SDCBP: variants seen among roughly 807,000 people sequenced by gnomAD.
SDCBP encodes the protein syndecan binding protein.
In SDCBP, 22 loss-of-function variants were observed where a neutral mutation model predicts 30.5. The ratio of observed to expected loss-of-function variants is 0.72; its 90% CI spans 0.52 to 1.03. The LOEUF is 1.03. Ranked by LOEUF, SDCBP falls within the 50% of genes least tolerant of loss-of-function variation. SDCBP has a pLI of 0.00. For synonymous variants in SDCBP, 103 were observed against 118.7 expected (o/e 0.87, Z 0.86); for missense variants, 304 against 369.9 (o/e 0.82, Z 1.46).
At chr8:58,576,173 T>G in intron 5 of SDCBP, 112 bp downstream of exon 5, 2 of 804,696 alleles carry the variant, frequency 2.5e-6, no homozygotes, top group Non-Finnish European at 3.8e-6. Flanking sequence ...GCATCTGTAG[T>G]TGAGAATATT....
chr8:58,565,082 C>G lies in SDCBP; in HGVS notation c.49C>G (p.Gln17Glu). Residue 17 changes from glutamine to glutamate, a missense_variant and splice_region_variant, in exon 2 of 9, where the codon CAG becomes GAG. Physicochemically the swap from Gln to Glu is conservative, Grantham distance 29. Transcript: ENST00000260130. ...LEDLKVDKVI[Q>E]AQTAFSANPA... is the part of the protein sequence containing the mutation. Reference sequence around the variant, plus strand: ...AGACTTGAAGGTAGACAAAGTAATTCAGGTATGATAGTTTAAATACTTTTG... The same window carrying G: ...AGACTTGAAGGTAGACAAAGTAATTGAGGTATGATAGTTTAAATACTTTTG... 2 of 1,543,386 alleles carry G rather than the reference C, an allele frequency of 1.3e-6. No individual in the cohort carries two copies. The highest frequency in any genetic ancestry group is 1.8e-6 in the Non-Finnish European group (2 of 1,125,732).
Position 58,576,028 on chromosome 8 carries a change from A to G in SDCBP, c.369A>G (p.Gly123=). The part of the protein sequence containing the change: ...REVILCKDQD[G]KIGLRLKSID... Reference sequence around the variant, plus strand: ...TCATTTTGTGTAAGGATCAAGATGGAAAAATTGGACTCAGGCTTAAATCAA... The same window carrying G: ...TCATTTTGTGTAAGGATCAAGATGGGAAAATTGGACTCAGGCTTAAATCAA... Residue 123 remains glycine (G), a synonymous_variant, in exon 5 of 9, where the codon GGA becomes GGG. Coordinates refer to ENST00000260130, the MANE Select transcript of SDCBP (RefSeq NM_005625.4). 1.9e-6 allele frequency: 3 copies of G among 1,613,400 alleles called. No individual in the cohort carries two copies. The South Asian group carries it at 3.3e-5, about 18-fold the overall frequency.
In SDCBP at chr8:58,581,781, T is replaced by C. The variant is rs201667562; in HGVS notation, c.*41T>C. ...GGAAATGTAGCTGAACGTCTCCAGT[T>C]TCCTTCTTTGGCAACTTCTGTATTA... On this transcript the variant is annotated 3_prime_UTR_variant, in exon 9 of 9. Transcript: ENST00000260130. 2,505 of 1,576,926 alleles carry C rather than the reference T, an allele frequency of 1.6e-3. 3 individuals are homozygous for C. The highest frequency in any genetic ancestry group is 4.1e-3 in the South Asian group (370 of 90,282).
In SDCBP at chr8:58,572,223, A is replaced by G; in HGVS notation, c.149A>G (p.Tyr50Cys). 2 of 1,607,168 alleles carry G rather than the reference A, an allele frequency of 1.2e-6. No homozygotes were observed. Among genetic ancestry groups the G allele is most frequent in the Non-Finnish European group, 1.7e-6 (2 of 1,175,342 alleles). Reference protein sequence around the residue: ...PHDGNLYPRLYPELSQYMGLS... With the variant: ...PHDGNLYPRLCPELSQYMGLS... ...TTTTTAGATCTCTATCCCAGACTGT[A>G]TCCAGAGCTCTCTCAATACATGGGG... The change falls in exon 4 of 9, where the codon TAT becomes TGT. Residue 50 changes from tyrosine (Y) to cysteine (C), a missense_variant. By Grantham distance (194) the Tyr-to-Cys change is radical. Transcript: ENST00000260130.
intron 2 of SDCBP, among the ~76,000 whole-genome samples, chr8:58,565,731 C>A (rs1411432346): frequency 1.3e-5 from 2 of 152,044 alleles, no homozygotes; most frequent in African/African-American, 4.8e-5. Context: ...GAATTGGGAC[C>A]AATTCTGGCT....
rs77886875 is a variant in SDCBP at position 58,568,125 on chromosome 8, T to C, written c.52-2762T>C. 9.1e-3 allele frequency among the ~76,000 whole-genome samples: 1,389 copies of C among 152,356 alleles called. 12 individuals carry two copies. Among genetic ancestry groups the C allele is most frequent in the Middle Eastern group, 0.017 (5 of 294 alleles). On this transcript the variant is annotated intron_variant, in intron 2 of 8. Transcript: ENST00000260130. ...TTAGCTTCCTGTAACTTTAATTTTTTAACTTTCTGACTCTTGTAATAACAT... is the reference window on the plus strand; with the variant it reads ...TTAGCTTCCTGTAACTTTAATTTTTCAACTTTCTGACTCTTGTAATAACAT...
At chr8:58,575,554 A>G (rs1805266457) in intron 4 of SDCBP, among the ~76,000 whole-genome samples, 1 of 152,226 alleles carries the variant, frequency 6.6e-6, no homozygotes, top group South Asian at 2.1e-4. Context: ...AGATCGTGAC[A>G]TCATGAACCG....
At chr8:58,570,456 T>G (rs1447969708) in intron 2 of SDCBP, among the ~76,000 whole-genome samples, 1 of 152,144 alleles carries the variant, frequency 6.6e-6, no homozygotes, top group African/African-American at 2.4e-5. Context: ...TATTAATTTT[T>G]TAGGTGTTTT....
chr8:58,560,991 T>C (rs1276769344), intron 1 of SDCBP: 1 of 152,156 alleles, frequency 6.6e-6, no homozygotes, highest in Admixed American at 6.5e-5. Context: ...CCAAGGAAAA[T>C]GCTGCATGAA....
At chr8:58,579,459 A>G (rs1012431473) in intron 6 of SDCBP, among the ~76,000 whole-genome samples, 164 bp from the exon 7 acceptor site, 6 of 152,324 alleles carry the variant, frequency 3.9e-5, no homozygotes, top group African/African-American at 1.4e-4. Flanking sequence ...AAACTTTTAC[A>G]CAAAGATGTT....
Position 58,580,618 on chromosome 8 carries a change from C to T in SDCBP, c.842+10C>T. The T allele has an allele frequency of 7.5e-7, 1 of 1,327,494 alleles. No homozygotes were observed. Among genetic ancestry groups the T allele is most frequent in the Non-Finnish European group, 1.1e-6 (1 of 919,606 alleles). The allele number at this position is 1,327,494 out of a possible 1,614,324, so 82.2% of individuals were successfully genotyped here. On this transcript the variant is annotated intron_variant, in intron 8 of 8. Transcript: ENST00000260130. ...AACATATTATTAAGCGGTAAGTAAA[C>T]AATTCCTCAACTTAATGCATATGGT... is the stretch of plus-strand genomic sequence containing the variant.
intron 5 of SDCBP, 184 bp downstream of exon 5, chr8:58,576,245 G>A: frequency 1.9e-6 from 1 of 539,528 alleles, no homozygotes; most frequent in Non-Finnish European, 3.3e-6. Flanking sequence ...GGCATAGTTG[G>A]GACTTCTGAC....
intron 1 of SDCBP, among the ~76,000 whole-genome samples, chr8:58,564,046 G>C (rs978676757): frequency 1.3e-5 from 2 of 152,184 alleles, no homozygotes; most frequent in Admixed American, 6.5e-5. Context: ...AGAGTAGTAC[G>C]TTGGAACCAT....
At chr8:58,571,027 T>C in intron 3 of SDCBP, 62 bp downstream of exon 3, 4 of 1,274,338 alleles carry the variant, frequency 3.1e-6, no homozygotes, top group Non-Finnish European at 4.5e-6. Flanking sequence ...CTTTTGCTCA[T>C]ATAAGGAATC....
intron 1 of SDCBP, among the ~76,000 whole-genome samples, chr8:58,558,423 A>G (rs1457397871): frequency 6.6e-6 from 1 of 152,158 alleles, no homozygotes; most frequent in Non-Finnish European, 1.5e-5. Flanking sequence ...CTAGGACTAC[A>G]GGCATGTGCT....
Position 58,575,843 on chromosome 8 carries a change from T to A in SDCBP, c.241-57T>A. On this transcript the variant is annotated intron_variant, in intron 4 of 8. Transcript: ENST00000260130. Reference sequence around the variant, plus strand: ...TGAGTAAGTTCCAGTTAATTATCATTGTTTTTTTCAAGGAGAGTGTTTCTA... The same window carrying A: ...TGAGTAAGTTCCAGTTAATTATCATAGTTTTTTTCAAGGAGAGTGTTTCTA... 4 of 1,422,254 alleles carry A rather than the reference T, an allele frequency of 2.8e-6. No individual in the cohort carries two copies. In the East Asian group the frequency reaches 9.4e-5, roughly 33 times the overall value. 88.1% of individuals were successfully genotyped at this position (1,422,254 alleles called of 1,614,324 possible).
chr8:58,562,260 C>T (rs1397940004), intron 1 of SDCBP, among the ~76,000 whole-genome samples: 1 of 151,908 alleles, frequency 6.6e-6, no homozygotes, highest in Admixed American at 6.6e-5. Context: ...AAAAATAAAA[C>T]CAAGAGCCAG....
At chr8:58,578,554 G>A (rs925538549) in intron 6 of SDCBP, among the ~76,000 whole-genome samples, 3 of 152,114 alleles carry the variant, frequency 2.0e-5, no homozygotes, top group Admixed American at 6.5e-5. Context: ...TCATTGTGAG[G>A]GTCAGAGCCC....
In SDCBP at chr8:58,582,333, C is replaced by T. The variant is rs1473926836; in HGVS notation, c.*593C>T. ...TTCACTTAATATGCTTGAACTGTCGCCTTAACTATGTTAAGCATCTAGACT... is the reference window on the plus strand; with the variant it reads ...TTCACTTAATATGCTTGAACTGTCGTCTTAACTATGTTAAGCATCTAGACT... On this transcript the variant is annotated 3_prime_UTR_variant, in exon 9 of 9. Transcript: ENST00000260130. The T allele has an allele frequency of 6.6e-6, 1 of 152,654 alleles. No individual in the cohort carries two copies. The highest frequency in any genetic ancestry group is 6.6e-5 in the Admixed American group (1 of 15,254). The allele number at this position is 152,654 out of a possible 1,614,324, so 9.5% of individuals were successfully genotyped here.
Sources: allele counts gnomAD v4.1 joint callset (sites outside exome capture counted in the v4.1 genomes callset), GRCh38; gene constraint gnomAD v4.1.1; transcripts MANE v1.5; gene names NCBI Gene and HGNC (gene_info 2026-07-23, HGNC 2026-07-21).